LRRC49: variants seen among roughly 807,000 people sequenced by gnomAD.
LRRC49 encodes leucine rich repeat containing 49.
A neutral mutation model predicts 83.3 loss-of-function variants in LRRC49; 50 were observed. The observed-to-expected ratio is 0.60, with a 90% CI of 0.48 to 0.76. LRRC49 has a LOEUF of 0.76. Ranked by LOEUF, LRRC49 falls within the 30% of genes least tolerant of loss-of-function variation. LRRC49 has a pLI of 0.00. For synonymous variants in LRRC49, 286 were observed against 283.3 expected (o/e 1.01, Z -0.10); for missense variants, 704 against 809.1 (o/e 0.87, Z 1.58).
At chr15:71,047,187 A>T (rs2039878108) in intron 15 of LRRC49, among the ~76,000 whole-genome samples, 1 of 152,158 alleles carries the variant, frequency 6.6e-6, no homozygotes, top group South Asian at 2.1e-4. Flanking sequence ...TTTTGGTTCC[A>T]TATGAATTTT....
intron 7 of LRRC49, among the ~76,000 whole-genome samples, chr15:70,923,402 C>A (rs1025782415): frequency 2.6e-5 from 4 of 151,896 alleles, no homozygotes; most frequent in African/African-American, 9.7e-5. Context: ...TAGAAGCATA[C>A]AAGTTTAAAA....
chr15:70,919,159 A>G lies in LRRC49; in HGVS notation c.677A>G (p.Glu226Gly). 3.1e-6 allele frequency: 5 copies of G among 1,612,892 alleles called. No individual in the cohort carries two copies. The highest frequency in any genetic ancestry group is 4.2e-6 in the Non-Finnish European group (5 of 1,179,606). Residue 226 changes from glutamate (E) to glycine (G), a missense_variant, in exon 7 of 16, where the codon GAA becomes GGA. Glu to Gly is a moderately conservative substitution (Grantham distance 98). This residue lies in a region of LRRC49 where 261 missense variants were observed against 330.5 expected (regional missense o/e 0.79). Coordinates refer to ENST00000260382, the MANE Select transcript of LRRC49 (RefSeq NM_017691.5). ...CTTAATGGGCTGGATTCACTAACTG[A>G]ACTTAACTTGCGACACAATCAAATC... Reference protein sequence around the residue: ...DNLNGLDSLTELNLRHNQITF... With the variant: ...DNLNGLDSLTGLNLRHNQITF...
intron 2 of LRRC49, among the ~76,000 whole-genome samples, chr15:70,876,781 T>C (rs1280714056): frequency 6.6e-6 from 1 of 152,212 alleles, no homozygotes; most frequent in Non-Finnish European, 1.5e-5. Context: ...GCCAGGACTA[T>C]TGCAAAGGCA....
chr15:71,029,928 G>A (rs1208860050), intron 14 of LRRC49, among the ~76,000 whole-genome samples: 1 of 152,046 alleles, frequency 6.6e-6, no homozygotes, highest in Non-Finnish European at 1.5e-5. Context: ...CATGTGAGAT[G>A]GGTCTCCTGA....
intron 9 of LRRC49, among the ~76,000 whole-genome samples, chr15:70,975,344 A>T (rs1007576170): frequency 6.6e-6 from 1 of 152,084 alleles, no homozygotes; most frequent in African/African-American, 2.4e-5. Context: ...GGGAGGCAGA[A>T]TTTTCCTTTT....
chr15:70,951,980 ATGAATTTTT>A (rs2036232451), intron 8 of LRRC49, among the ~76,000 whole-genome samples: 1 of 152,022 alleles, frequency 6.6e-6, no homozygotes, highest in African/African-American at 2.4e-5. Context: ...TGAAGGGATG[ATGAATTTTT>A]TTGAAGGCCT....
intron 14 of LRRC49, among the ~76,000 whole-genome samples, chr15:71,021,260 T>C (rs2038987491): frequency 6.6e-6 from 1 of 152,150 alleles, no homozygotes; most frequent in South Asian, 2.1e-4. Context: ...AAGGAGTAAA[T>C]GGAGATATTG....
At chr15:70,914,981 ACT>A (rs1310979983) in intron 6 of LRRC49, among the ~76,000 whole-genome samples, 7 of 152,122 alleles carry the variant, frequency 4.6e-5, no homozygotes, top group Non-Finnish European at 8.8e-5. Flanking sequence ...ATATTGGGAC[ACT>A]CTCTGATCTG....
At chr15:70,947,195 T>C (rs2036040525) in intron 8 of LRRC49, among the ~76,000 whole-genome samples, 1 of 152,190 alleles carries the variant, frequency 6.6e-6, no homozygotes, top group Non-Finnish European at 1.5e-5. Context: ...AAGATTATCT[T>C]AGGGATATCC....
intron 9 of LRRC49, among the ~76,000 whole-genome samples, chr15:70,974,407 T>C (rs1001292149): frequency 1.3e-4 from 20 of 152,226 alleles, no homozygotes; most frequent in Admixed American, 1.1e-3. Context: ...GAACATGAAG[T>C]AATGGATTAA....
At chr15:70,898,278 G>A in intron 3 of LRRC49, 1 of 619,838 alleles carries the variant, frequency 1.6e-6, no homozygotes, top group Non-Finnish European at 2.9e-6. Context: ...GATTTTAACA[G>A]AAGTAACACA....
chr15:70,869,537 A>G (rs185541313), intron 1 of LRRC49, among the ~76,000 whole-genome samples: 1 of 152,248 alleles, frequency 6.6e-6, no homozygotes, highest in East Asian at 1.9e-4. Context: ...TGGAATGTAC[A>G]TATATTTAAG....
rs576759375 is a variant in LRRC49, at chr15:70,969,247, A to C, written c.921+5315A>C. On this transcript the variant is annotated intron_variant, in intron 9 of 15. Transcript: ENST00000260382. ...CCATTCATTAAATAGGGAATCCTTT[A>C]CCCATTGCTTGTTTTTGTCAGGTTT... is the stretch of plus-strand genomic sequence containing the variant. 1.1e-4 allele frequency among the ~76,000 whole-genome samples: 17 copies of C among 152,078 alleles called. No homozygotes were observed. The South Asian group carries it at 2.9e-3, about 26-fold the overall frequency.
Position 71,034,328 on chromosome 15 carries a change from A to G in LRRC49, c.1704-2851A>G, listed in dbSNP as rs116353549. Reference sequence around the variant, plus strand: ...TTAGAGAAATGCAAATCAAACCTCAATGAAATACTATCTCATGCCATTCAG... The same window carrying G: ...TTAGAGAAATGCAAATCAAACCTCAGTGAAATACTATCTCATGCCATTCAG... On this transcript the variant is annotated intron_variant, in intron 14 of 15. Coordinates refer to ENST00000260382, the MANE Select transcript of LRRC49 (RefSeq NM_017691.5). Among the ~76,000 whole-genome samples, 380 of 152,344 alleles carry G rather than the reference A, an allele frequency of 2.5e-3. 3 individuals are homozygous for G. The highest frequency in any genetic ancestry group is 9.1e-3 in the African/African-American group (377 of 41,582).
upstream of LRRC49, among the ~76,000 whole-genome samples, chr15:70,890,874 C>T (rs758841161): frequency 6.6e-6 from 1 of 152,038 alleles, no homozygotes; most frequent in African/African-American, 2.4e-5. Context: ...GGACAGTGGC[C>T]TTGGTTAGGG....
At chr15:70,863,853 T>C (rs779533823) in intron 1 of LRRC49, among the ~76,000 whole-genome samples, 15 of 152,216 alleles carry the variant, frequency 9.9e-5, no homozygotes, top group Non-Finnish European at 1.6e-4. Context: ...ACAAGGAATA[T>C]GACTTTGGGA....
chr15:70,981,501 A>AT (rs1471846821), intron 10 of LRRC49, among the ~76,000 whole-genome samples: 1 of 152,178 alleles, frequency 6.6e-6, no homozygotes, highest in Non-Finnish European at 1.5e-5. Flanking sequence ...TAATTTAAAA[A>AT]AAAAAAGAAT....
chr15:70,934,502 TAACTC>T (rs1213123800), intron 7 of LRRC49, among the ~76,000 whole-genome samples: 1 of 152,218 alleles, frequency 6.6e-6, no homozygotes, highest in Non-Finnish European at 1.5e-5. Context: ...ATATTTTTGA[TAACTC>T]TACTAGGCAA....
At position 70,901,084 on chromosome 15, in the gene LRRC49, A is replaced by G. The variant is rs2034057945; in HGVS notation, c.296+60A>G. ...CTAGGTAATACATAGACGTGGTACA[A>G]GACTTGAAAGATGCAAGTCTCCCTC... On this transcript the variant is annotated intron_variant, in intron 4 of 15. Coordinates refer to ENST00000260382, the MANE Select transcript of LRRC49 (RefSeq NM_017691.5). 11 of 913,186 alleles carry G rather than the reference A, an allele frequency of 1.2e-5. No individual in the cohort carries two copies. The East Asian group carries it at 2.8e-4, about 23-fold the overall frequency. The allele number at this position is 913,186 out of a possible 1,614,324, so 56.6% of individuals were successfully genotyped here. A position where few individuals can be genotyped will look rare whatever the true frequency, so the allele number is the denominator to read the frequency against.
Sources: gnomAD v4.1 joint callset for allele counts (sites outside exome capture counted in the v4.1 genomes callset) on GRCh38, gnomAD v4.1.1 for gene constraint, gnomAD v4.1.1 regional missense constraint, MANE v1.5 for transcripts, NCBI Gene and HGNC (gene_info 2026-07-23, HGNC 2026-07-21) for gene names.